Variants in SOS2 observed in about 807,000 individuals in gnomAD.
SOS2 encodes the protein SOS Ras/Rho guanine nucleotide exchange factor 2, also known as son of sevenless homolog 2.
Under a neutral mutation model 148.2 loss-of-function variants are expected in SOS2, and 65 were observed. The observed-to-expected ratio is 0.44, with a 90% CI of 0.36 to 0.54. The LOEUF is 0.54. SOS2 is among the 20% of genes least tolerant of loss of function. The pLI is 0.00. For synonymous variants in SOS2, 539 were observed against 537.1 expected (o/e 1.00, Z -0.05); for missense variants, 1,341 against 1,590.2 (o/e 0.84, Z 2.67).
intron 21 of SOS2, among the ~76,000 whole-genome samples, chr14:50,122,441 G>A (rs1374310410): frequency 1.6e-5 from 2 of 125,016 alleles, no homozygotes; most frequent in Admixed American, 2.1e-4. Flanking sequence ...TGTCGCCCAG[G>A]CTGGAGTCCA....
chr14:50,202,587 T>G (rs145103860), intron 2 of SOS2, among the ~76,000 whole-genome samples: 8 of 152,086 alleles, frequency 5.3e-5, no homozygotes, highest in African/African-American at 1.9e-4. Context: ...ATTTAAAAAT[T>G]AGCCAGGCAT....
intron 1 of SOS2, among the ~76,000 whole-genome samples, chr14:50,227,228 TC>T: frequency 6.9e-6 from 1 of 144,720 alleles, no homozygotes; most frequent in East Asian, 2.1e-4. Context: ...TCTCTGTGTT[TC>T]TTTTTCTTTC....
intron 1 of SOS2, among the ~76,000 whole-genome samples, chr14:50,223,760 G>A (rs1267744209): frequency 6.6e-6 from 1 of 152,118 alleles, no homozygotes; most frequent in South Asian, 2.1e-4. Context: ...GGGGTGAGGT[G>A]GGAGGATCAT....
intron 14 of SOS2, among the ~76,000 whole-genome samples, chr14:50,148,170 G>A (rs1884550866): frequency 6.6e-6 from 1 of 152,138 alleles, no homozygotes; most frequent in Admixed American, 6.6e-5. Flanking sequence ...CCAGCACTTT[G>A]GGAGGCTGAG....
At chr14:50,123,969 A>G (rs1883606362) in intron 21 of SOS2, among the ~76,000 whole-genome samples, 1 of 152,174 alleles carries the variant, frequency 6.6e-6, no homozygotes, top group African/African-American at 2.4e-5. Context: ...CTATTACACT[A>G]TTTTTAGCCT....
At chr14:50,214,690 A>G (rs1167546825) in intron 1 of SOS2, among the ~76,000 whole-genome samples, 1 of 150,036 alleles carries the variant, frequency 6.7e-6, no homozygotes, top group Non-Finnish European at 1.5e-5. Flanking sequence ...TAGACTTCAT[A>G]AGGCCGTTTC....
intron 3 of SOS2, among the ~76,000 whole-genome samples, chr14:50,200,573 C>G (rs963400684): frequency 1.1e-4 from 16 of 147,828 alleles, no homozygotes; most frequent in African/African-American, 4.0e-4. Flanking sequence ...TGGGCCAGGC[C>G]TGATGGCTCA....
intron 8 of SOS2, among the ~76,000 whole-genome samples, chr14:50,162,197 A>G (rs978976470): frequency 1.2e-4 from 19 of 152,046 alleles, no homozygotes; most frequent in African/African-American, 4.3e-4. Context: ...TCACTCCGTC[A>G]CCAAGGGTGG....
chr14:50,189,345 A>AAAAAAAAAAAAT, intron 4 of SOS2, among the ~76,000 whole-genome samples: 1 of 147,542 alleles, frequency 6.8e-6, no homozygotes. Flanking sequence ...AAAAAAAAAA[A>AAAAAAAAAAAAT]AAAGCAAGCC....
intron 21 of SOS2, among the ~76,000 whole-genome samples, chr14:50,123,183 A>G (rs1883574810): frequency 6.6e-6 from 1 of 152,170 alleles, no homozygotes; most frequent in African/African-American, 2.4e-5. Flanking sequence ...AATGGCTGAA[A>G]AGTATTATAA....
intron 19 of SOS2, among the ~76,000 whole-genome samples, chr14:50,131,083 T>C (rs1345004672): frequency 6.6e-6 from 1 of 152,166 alleles, no homozygotes; most frequent in Non-Finnish European, 1.5e-5. Flanking sequence ...CTATATAGAT[T>C]TTACAAACAT....
chr14:50,206,474 C>T (rs529558703), intron 1 of SOS2, among the ~76,000 whole-genome samples: 1 of 152,296 alleles, frequency 6.6e-6, no homozygotes, highest in South Asian at 2.1e-4. Flanking sequence ...TTACTTGTAA[C>T]ACCTAATACA....
At chr14:50,172,787 T>C (rs750520264) in intron 8 of SOS2, among the ~76,000 whole-genome samples, 2 of 152,146 alleles carry the variant, frequency 1.3e-5, no homozygotes, top group African/African-American at 2.4e-5. Context: ...TTCTAATTCC[T>C]TACACAATTT....
chr14:50,222,789 C>T (rs1887239177), intron 1 of SOS2, among the ~76,000 whole-genome samples: 1 of 152,094 alleles, frequency 6.6e-6, no homozygotes, highest in African/African-American at 2.4e-5. Context: ...CTGCAGAGGG[C>T]CTAGTAAACC....
chr14:50,220,405 C>CAAAAAAA (rs367829144), intron 1 of SOS2, among the ~76,000 whole-genome samples: 7 of 30,444 alleles, frequency 2.3e-4, no homozygotes, highest in South Asian at 1.2e-3. Context: ...GACTCCATCT[C>CAAAAAAA]AAAAAAAAAA....
intron 18 of SOS2, 132 bp from the exon 19 acceptor site, chr14:50,134,371 C>A: frequency 1.8e-6 from 1 of 547,220 alleles, no homozygotes; most frequent in Admixed American, 3.3e-5. Flanking sequence ...ATTAAGAGCC[C>A]ACAATATGTG....
chr14:50,146,152 A>G (rs922671847), intron 14 of SOS2, among the ~76,000 whole-genome samples: 17 of 151,944 alleles, frequency 1.1e-4, no homozygotes, highest in Middle Eastern at 3.4e-3. Context: ...AAAAAAAAAA[A>G]AAAGAAACGA....
intron 7 of SOS2, among the ~76,000 whole-genome samples, chr14:50,175,426 T>C (rs963689055): frequency 1.4e-5 from 2 of 143,458 alleles, no homozygotes; most frequent in Admixed American, 1.4e-4. Context: ...ATAGGAGTAA[T>C]ACTTTTTTTT....
At chr14:50,170,161 G>A (rs186093678) in intron 8 of SOS2, among the ~76,000 whole-genome samples, 92 of 146,910 alleles carry the variant, frequency 6.3e-4, no homozygotes, top group African/African-American at 2.2e-3. Context: ...TTGAACTCCT[G>A]GGCTCAAGTG....
Sources: allele counts gnomAD v4.1 joint callset (sites outside exome capture counted in the v4.1 genomes callset), GRCh38; gene constraint gnomAD v4.1.1; transcripts MANE v1.5; gene names NCBI Gene and HGNC (gene_info 2026-07-23, HGNC 2026-07-21).